The following ELF1 variants were observed in gnomAD, a reference collection of about 807,000 sequenced individuals.
ELF1 encodes ETS-related transcription factor Elf-1.
A neutral mutation model predicts 59.9 loss-of-function variants in ELF1; 24 were observed. That is an observed-to-expected ratio of 0.40 (90% confidence interval 0.29 to 0.56). ELF1 has a LOEUF of 0.56. Ranked by LOEUF, ELF1 falls within the 20% of genes least tolerant of loss-of-function variation. The pLI, the probability that ELF1 is intolerant of heterozygous loss-of-function variation, is 0.44. For synonymous variants in ELF1, 248 were observed against 266.2 expected (o/e 0.93, Z 0.67); for missense variants, 627 against 742.2 (o/e 0.84, Z 1.80).
At chr13:40,947,943 T>C (rs911599150) in intron 5 of ELF1, among the ~76,000 whole-genome samples, 13 of 152,192 alleles carry the variant, frequency 8.5e-5, no homozygotes, top group African/African-American at 3.1e-4. Context: ...TAAAAAAGAC[T>C]AGGTGGGAAC....
At chr13:40,943,662 G>A (rs962705267) in intron 6 of ELF1, among the ~76,000 whole-genome samples, 180 bp downstream of exon 6, 3 of 152,234 alleles carry the variant, frequency 2.0e-5, no homozygotes, top group East Asian at 1.9e-4. Flanking sequence ...TCACTCAAAC[G>A]AGTTTCTTGG....
At position 41,058,516 on chromosome 13, in the gene ELF1, C is replaced by T. The variant is rs574688102; in HGVS notation, c.-229+2322G>A. ...TTACCATATTCTACGTAATGCACAA[C>T]TACACGAAAGATAAATCTGTGTTTT... On this transcript the variant is annotated intron_variant, in intron 1 of 1. Transcript: ENST00000405737. Among the ~76,000 whole-genome samples the T allele has an allele frequency of 1.3e-3, 195 of 152,352 alleles. 1 individual carries two copies. Among genetic ancestry groups the T allele is most frequent in the African/African-American group, 4.2e-3 (175 of 41,576 alleles).
chr13:40,952,570 CACTTGAATTCCTCAAGCCAG>C (rs906354691), intron 3 of ELF1, among the ~76,000 whole-genome samples: 1 of 152,050 alleles, frequency 6.6e-6, no homozygotes, highest in Non-Finnish European at 1.5e-5. Flanking sequence ...CTATGTTGCT[CACTTGAATTCCTCAAGCCAG>C]GCCTGAATTC....
In ELF1 at chr13:40,932,037, TTA is replaced by T. The variant is rs1194245902; in HGVS notation, c.*1386_*1387del. On this transcript the variant is annotated 3_prime_UTR_variant, in exon 9 of 9. Transcript: ENST00000239882. Reference sequence around the variant, plus strand: ...GCCTGAAAACAGACACTGAGAATTTTTATATGATTTATTTAATAATAAACCAA... The same window carrying T: ...GCCTGAAAACAGACACTGAGAATTTTTATGATTTATTTAATAATAAACCAA... The T allele has an allele frequency of 6.6e-6, 1 of 152,212 alleles. No individual in the cohort carries two copies. Among genetic ancestry groups the T allele is most frequent in the African/African-American group, 2.4e-5 (1 of 41,452 alleles). The allele number at this position is 152,212 out of a possible 1,614,324, so 9.4% of individuals were successfully genotyped here.
intron 5 of ELF1, among the ~76,000 whole-genome samples, chr13:40,945,042 G>A (rs1870419814): frequency 6.6e-6 from 1 of 152,112 alleles, no homozygotes. Flanking sequence ...CAAGTATCTC[G>A]ACTTTCATCA....
intron 1 of ELF1, among the ~76,000 whole-genome samples, chr13:40,989,487 T>C (rs899442907): frequency 6.6e-6 from 1 of 152,242 alleles, no homozygotes; most frequent in Admixed American, 6.5e-5. Flanking sequence ...ATGTATTTAC[T>C]ATGAATATAT....
chr13:41,054,429 T>C (rs1199945530), intron 1 of ELF1, among the ~76,000 whole-genome samples: 1 of 152,188 alleles, frequency 6.6e-6, no homozygotes, highest in Non-Finnish European at 1.5e-5. Flanking sequence ...CTCACAGTAT[T>C]AACTTGTTCA....
chr13:40,970,803 G>A (rs545537848), intron 2 of ELF1, among the ~76,000 whole-genome samples: 1 of 152,270 alleles, frequency 6.6e-6, no homozygotes, highest in Admixed American at 6.5e-5. Context: ...CAAGTGTCTG[G>A]TCAATGTACT....
chr13:40,958,211 G>C (rs1388698322), intron 3 of ELF1, among the ~76,000 whole-genome samples: 1 of 152,164 alleles, frequency 6.6e-6, no homozygotes, highest in African/African-American at 2.4e-5. Context: ...TAATCTTCAA[G>C]TTTAAAATAT....
chr13:41,030,249 G>GA (rs1306366062), intron 1 of ELF1, among the ~76,000 whole-genome samples: 1 of 152,094 alleles, frequency 6.6e-6, no homozygotes. Flanking sequence ...CAAGAATAAG[G>GA]AATGAGCAAC....
chr13:41,019,362 C>T, upstream of ELF1: 13 of 985,290 alleles, frequency 1.3e-5, no homozygotes, highest in Non-Finnish European at 1.4e-5. Flanking sequence ...TACATGAAAC[C>T]AAGTGTTTCT....
At chr13:41,046,359 G>A (rs565284884) in intron 1 of ELF1, among the ~76,000 whole-genome samples, 98 of 152,284 alleles carry the variant, frequency 6.4e-4, no homozygotes, top group Non-Finnish European at 1.3e-3. Flanking sequence ...CTTGTTAGTT[G>A]ATGCAGTTTC....
At position 40,982,005 on chromosome 13, in the gene ELF1, T is replaced by C; in HGVS notation, c.50A>G (p.Asn17Ser). ...TACCTGTCGTTCATCCTCCATGACG[T>C]TACTAGCAAATTCAAATACTAGGTC... The part of the protein sequence containing the change: ...QNDLVFEFAS[N>S]VMEDERQLGD... Residue 17 changes from asparagine to serine, a missense_variant, in exon 2 of 9, where the codon AAC becomes AGC. Asn to Ser is a conservative substitution (Grantham distance 46). This residue lies in a region of ELF1 where 232 missense variants were observed against 269.2 expected (regional missense o/e 0.86). Transcript: ENST00000239882. 2 of 1,610,120 alleles carry C rather than the reference T, an allele frequency of 1.2e-6. No homozygotes were observed. The highest frequency in any genetic ancestry group is 1.1e-5 in the South Asian group (1 of 90,352).
exon 1 of ELF1, chr13:41,060,884 C>T (rs1877548858): frequency 8.7e-6 from 3 of 344,426 alleles, no homozygotes; most frequent in South Asian, 2.2e-5. Flanking sequence ...CCTCTCGCCA[C>T]CGCCGCCTCT....
intron 1 of ELF1, among the ~76,000 whole-genome samples, chr13:41,042,183 C>T (rs927487872): frequency 4.6e-5 from 7 of 152,198 alleles, no homozygotes; most frequent in Middle Eastern, 3.4e-3. Flanking sequence ...CCACCACACC[C>T]GGCTAATTTT....
intron 1 of ELF1, among the ~76,000 whole-genome samples, chr13:41,009,285 A>G (rs754266405): frequency 1.0e-4 from 15 of 150,112 alleles, no homozygotes; most frequent in Non-Finnish European, 1.8e-4. Flanking sequence ...ATAAAGCTTG[A>G]AAAAAAAAAG....
chr13:40,955,982 C>T (rs1470718193), intron 3 of ELF1, among the ~76,000 whole-genome samples: 2 of 141,728 alleles, frequency 1.4e-5, no homozygotes, highest in East Asian at 2.1e-4. Context: ...CCAGCCGCCC[C>T]GTCCAGGAGG....
exon 1 of ELF1, chr13:41,060,936 GCCGCC>G (rs1877569246): frequency 2.7e-6 from 1 of 374,304 alleles, no homozygotes; most frequent in Non-Finnish European, 5.4e-6. Context: ...CGCCGCCGCC[GCCGCC>G]GCCGCTGCTG....
chr13:40,952,819 C>T (rs1157569052), intron 3 of ELF1, among the ~76,000 whole-genome samples: 1 of 151,194 alleles, frequency 6.6e-6, no homozygotes, highest in East Asian at 1.9e-4. Context: ...CTTCTTTCAT[C>T]CATACCCCAC....
Sources: gnomAD v4.1 joint callset for allele counts (sites outside exome capture counted in the v4.1 genomes callset) on GRCh38, gnomAD v4.1.1 for gene constraint, gnomAD v4.1.1 regional missense constraint, MANE v1.5 for transcripts, NCBI Gene and HGNC (gene_info 2026-07-23, HGNC 2026-07-21) for gene names.